Variants in NRCAM observed in about 807,000 individuals in gnomAD.
NRCAM encodes the protein neuronal cell adhesion molecule, also known as NgCAM-related cell adhesion molecule.
Under a neutral mutation model 156.5 loss-of-function variants are expected in NRCAM, and 83 were observed. That is an observed-to-expected ratio of 0.53 (90% CI 0.44 to 0.64). The LOEUF (loss-of-function observed/expected upper bound fraction) is 0.64. NRCAM is among the 30% of genes least tolerant of loss of function. The pLI is 0.00. For synonymous variants in NRCAM, 538 were observed against 563.9 expected, an observed-to-expected ratio of 0.95 and a Z score of 0.65; for missense variants, 1,417 against 1,597.3, an observed-to-expected ratio of 0.89 and a Z score of 1.92.
chr7:108,163,263 G>A (rs2050490454), intron 30 of NRCAM, among the ~76,000 whole-genome samples: 1 of 152,250 alleles, frequency 6.6e-6, no homozygotes, highest in Middle Eastern at 3.4e-3. Flanking sequence ...AGGAGAATGA[G>A]ATTTGCTTTG....
chr7:108,167,053 C>A lies in NRCAM; in HGVS notation c.3334G>T (p.Glu1112Ter). The A allele has an allele frequency of 1.9e-6, 3 of 1,613,550 alleles. No homozygotes were observed. Among genetic ancestry groups the A allele is most frequent in the Non-Finnish European group, 8.5e-7 (1 of 1,179,664 alleles). ...VAGSKEEWRK[E>*]IVNGSRSFFG... is the part of the protein sequence containing the mutation. ...AAGCTCCGAGAACCATTTACAATTT[C>A]TTTTCTCCATTCTTCTTTGCCTATG... The change falls in exon 30 of 33, where the codon GAA (glutamate) becomes TAA (stop). Residue 1112 changes from glutamate to a stop codon, truncating the protein, a stop_gained. Transcript: ENST00000379028. LOFTEE classifies it high-confidence loss of function.
intron 3 of NRCAM, among the ~76,000 whole-genome samples, chr7:108,283,109 G>T (rs973377686): frequency 6.6e-6 from 1 of 152,188 alleles, no homozygotes; most frequent in Non-Finnish European, 1.5e-5. Flanking sequence ...AACAAACAAT[G>T]TAAGAATGTT....
At chr7:108,403,224 T>G (rs2099798087) in intron 1 of NRCAM, among the ~76,000 whole-genome samples, 1 of 152,232 alleles carries the variant, frequency 6.6e-6, no homozygotes, top group Admixed American at 6.5e-5. Context: ...AGTGAAGCCT[T>G]TATTTTCACA....
chr7:108,308,439 A>G (rs1592699424), intron 3 of NRCAM, among the ~76,000 whole-genome samples: 2 of 152,352 alleles, frequency 1.3e-5, no homozygotes, highest in Non-Finnish European at 2.9e-5. Flanking sequence ...CCTTTGGTGT[A>G]TAAATGCTAA....
At chr7:108,419,594 T>C (rs1806470205) in intron 1 of NRCAM, among the ~76,000 whole-genome samples, 1 of 152,168 alleles carries the variant, frequency 6.6e-6, no homozygotes, top group Non-Finnish European at 1.5e-5. Context: ...CAAACAGGCA[T>C]GCTTAAGCCA....
At chr7:108,416,507 G>C (rs1211111122) in intron 1 of NRCAM, among the ~76,000 whole-genome samples, 1 of 152,080 alleles carries the variant, frequency 6.6e-6, no homozygotes, top group Non-Finnish European at 1.5e-5. Context: ...ACATGTTCTG[G>C]CCAGGAGACA....
At chr7:108,353,223 C>T (rs896548682) in intron 2 of NRCAM, among the ~76,000 whole-genome samples, 8 of 152,162 alleles carry the variant, frequency 5.3e-5, no homozygotes, top group African/African-American at 1.9e-4. Flanking sequence ...ACACTGAGCA[C>T]CAGAATGATG....
chr7:108,436,772 C>T (rs1832740951), intron 1 of NRCAM, among the ~76,000 whole-genome samples: 1 of 152,236 alleles, frequency 6.6e-6, no homozygotes, highest in East Asian at 1.9e-4. Flanking sequence ...TTTATGACCT[C>T]TTATCAAAAA....
At chr7:108,272,259 C>G (rs1217219117) in intron 3 of NRCAM, among the ~76,000 whole-genome samples, 2 of 152,146 alleles carry the variant, frequency 1.3e-5, no homozygotes, top group Non-Finnish European at 2.9e-5. Flanking sequence ...AGTTGTATAT[C>G]GAATAGAATT....
At position 108,182,865 on chromosome 7, in the gene NRCAM, C is replaced by T. The variant is rs745314835; in HGVS notation, c.2360G>A (p.Arg787His). 1.8e-5 allele frequency: 29 copies of T among 1,614,080 alleles called. No homozygotes were observed. Among genetic ancestry groups the T allele is most frequent in the Admixed American group, 3.3e-5 (2 of 59,996 alleles). The change falls in exon 23 of 33, where the codon CGC becomes CAC. Residue 787 changes from arginine to histidine, a missense_variant. Physicochemically the swap from Arg to His is conservative, Grantham distance 29. Around this residue, in one of 2 missense-constraint regions of NRCAM, gnomAD observed 1,238 missense variants for 1,336.4 expected, o/e 0.93. Coordinates refer to ENST00000379028, the MANE Select transcript of NRCAM (RefSeq NM_001037132.4). The part of the protein sequence containing the change: ...GPGLQYKVSW[R>H]QKDGDDEWTS... ...CCATTCATCATCACCATCTTTCTGG[C>T]GCCAGCTAACTTTGTACTGAAGGCC... is the stretch of plus-strand genomic sequence containing the variant.
At chr7:108,373,341 T>A (rs2099641288) in intron 2 of NRCAM, among the ~76,000 whole-genome samples, 1 of 152,184 alleles carries the variant, frequency 6.6e-6, no homozygotes, top group African/African-American at 2.4e-5. Context: ...AGGGCAGATC[T>A]TAGGTGTTCT....
intron 30 of NRCAM, among the ~76,000 whole-genome samples, chr7:108,163,774 G>C (rs1326488726): frequency 1.3e-5 from 2 of 148,766 alleles, no homozygotes; most frequent in African/African-American, 5.1e-5. Flanking sequence ...TACCAGGTGG[G>C]GTGGCGGTAA....
At chr7:108,313,268 C>G (rs988881701) in intron 2 of NRCAM, 1 of 152,166 alleles carries the variant, frequency 6.6e-6, no homozygotes, top group African/African-American at 2.4e-5. Context: ...ACTCTCCTCT[C>G]GTCAGCCTCA....
chr7:108,287,797 A>G (rs2098150151), intron 3 of NRCAM, among the ~76,000 whole-genome samples: 1 of 152,134 alleles, frequency 6.6e-6, no homozygotes, highest in Admixed American at 6.5e-5. Flanking sequence ...GCTTCTGTGG[A>G]AAACAGTAAG....
At chr7:108,363,875 A>G (rs891253676) in intron 2 of NRCAM, among the ~76,000 whole-genome samples, 5 of 152,196 alleles carry the variant, frequency 3.3e-5, no homozygotes, top group Admixed American at 2.0e-4. Flanking sequence ...AAAAACAAGG[A>G]AAGTCTGAGA....
At chr7:108,328,950 C>A (rs754542227) in intron 2 of NRCAM, among the ~76,000 whole-genome samples, 1 of 152,160 alleles carries the variant, frequency 6.6e-6, no homozygotes, top group Admixed American at 6.6e-5. Context: ...GCCTCAGAAC[C>A]TACATCACAT....
intron 3 of NRCAM, among the ~76,000 whole-genome samples, chr7:108,254,580 C>T (rs1361297752): frequency 7.5e-6 from 1 of 133,586 alleles, no homozygotes; most frequent in Non-Finnish European, 1.5e-5. Flanking sequence ...ATGGAACTAG[C>T]TCTGTTGCCC....
At chr7:108,333,897 T>C (rs1354932414) in intron 2 of NRCAM, among the ~76,000 whole-genome samples, 2 of 152,176 alleles carry the variant, frequency 1.3e-5, no homozygotes, top group Non-Finnish European at 2.9e-5. Flanking sequence ...AAAACCCCCA[T>C]CTCTATTGTA....
chr7:108,455,069 G>A (rs1855154962), intron 1 of NRCAM, among the ~76,000 whole-genome samples: 1 of 152,136 alleles, frequency 6.6e-6, no homozygotes, highest in South Asian at 2.1e-4. Flanking sequence ...CGGGCGGGAG[G>A]GGAGGCGATC....
Sources: allele counts gnomAD v4.1 joint callset (sites outside exome capture counted in the v4.1 genomes callset), GRCh38; gene constraint gnomAD v4.1.1; regional missense constraint gnomAD v4.1.1; transcripts MANE v1.5; gene names NCBI Gene and HGNC (gene_info 2026-07-23, HGNC 2026-07-21).